BSN: variants seen among roughly 807,000 people sequenced by gnomAD.
The protein encoded by BSN is bassoon presynaptic cytomatrix protein.
A neutral mutation model predicts 264.8 loss-of-function variants in BSN; 57 were observed. That is an observed-to-expected ratio of 0.22 (90% CI 0.17 to 0.27). The LOEUF is 0.27. Among genes scored for constraint, BSN ranks in the 10% least tolerant of loss-of-function variants. BSN has a pLI of 1.00. For synonymous variants in BSN, 2,059 were observed against 2,137.3 expected, an observed-to-expected ratio of 0.96 and a Z score of 1.01; for missense variants, 4,615 against 5,232.5, an observed-to-expected ratio of 0.88 and a Z score of 3.64.
intron 3 of BSN, among the ~76,000 whole-genome samples, chr3:49,644,453 C>G (rs1279821150): frequency 2.0e-5 from 3 of 152,192 alleles, no homozygotes; most frequent in Admixed American, 6.5e-5. Context: ...GCCACACTTT[C>G]CAATATGCAG....
chr3:49,574,382 C>T (rs1488265552), intron 1 of BSN, among the ~76,000 whole-genome samples: 1 of 152,144 alleles, frequency 6.6e-6, no homozygotes, highest in African/African-American at 2.4e-5. Context: ...GGATCATACT[C>T]TGGCAGGTTC....
intron 3 of BSN, among the ~76,000 whole-genome samples, chr3:49,649,529 G>T (rs2108078295): frequency 6.6e-6 from 1 of 152,318 alleles, no homozygotes; most frequent in Non-Finnish European, 1.5e-5. Context: ...TCTGGAGGAG[G>T]CTACTGGGAG....
At chr3:49,565,880 G>A (rs561062636) in intron 1 of BSN, among the ~76,000 whole-genome samples, 1 of 151,950 alleles carries the variant, frequency 6.6e-6, no homozygotes, top group East Asian at 2.0e-4. Flanking sequence ...AGAGTGCAGC[G>A]GCGCCATCTT....
rs1276906323 is a variant in BSN at position 49,655,374 on chromosome 3, C to T, written c.5818C>T (p.Pro1940Ser). ...TGCCCCACCTGGCCAAAGCAGCAGC[C>T]CCTTCTATGGTCCCCGGGACCCTGA... ...DAAPPGQSSS[P>S]FYGPRDPEPP... Residue 1940 changes from proline to serine, a missense_variant, in exon 5 of 12, where the codon CCC becomes TCC. This residue lies in a region of BSN where 3,415 missense variants were observed against 3,866.4 expected (regional missense o/e 0.88). Coordinates refer to ENST00000296452, the MANE Select transcript of BSN (RefSeq NM_003458.4). The T allele has an allele frequency of 6.3e-7, 1 of 1,588,436 alleles. No individual in the cohort carries two copies.
chr3:49,554,575 C>G lies in BSN; in HGVS notation c.-28C>G. On this transcript the variant is annotated 5_prime_UTR_variant, in exon 1 of 12. Coordinates refer to ENST00000296452, the MANE Select transcript of BSN (RefSeq NM_003458.4). ...GCCGCCGGCCCGGGCGCAGCGCGAC[C>G]CCGACCCCGCCCGCCCGCCTGCCCG... The G allele has an allele frequency of 2.2e-6, 2 of 927,578 alleles. No individual in the cohort carries two copies. Among genetic ancestry groups the G allele is most frequent in the Non-Finnish European group, 2.6e-6 (2 of 777,120 alleles). The allele number at this position is 927,578 out of a possible 1,614,324, so 57.5% of individuals were successfully genotyped here.
In BSN at chr3:49,664,794, C is replaced by T; in HGVS notation, c.11741-5C>T. 1 of 1,613,814 alleles carries T rather than the reference C, an allele frequency of 6.2e-7. No individual in the cohort carries two copies. The highest frequency in any genetic ancestry group is 8.5e-7 in the Non-Finnish European group (1 of 1,179,954). On this transcript the variant is annotated splice_region_variant and splice_polypyrimidine_tract_variant and intron_variant, in intron 9 of 11. Coordinates refer to ENST00000296452, the MANE Select transcript of BSN (RefSeq NM_003458.4). Reference sequence around the variant, plus strand: ...TGATGGCTCTCTCCTCTTTCTTTGTCACAGCTGTCTCTGCTTTTGGCAAAA... The same window carrying T: ...TGATGGCTCTCTCCTCTTTCTTTGTTACAGCTGTCTCTGCTTTTGGCAAAA...
Position 49,625,064 on chromosome 3 carries a change from G to A in BSN, c.314G>A (p.Gly105Asp). Residue 105 changes from glycine (G) to aspartate (D), a missense_variant, in exon 2 of 12, where the codon GGC (glycine) becomes GAC (aspartate). This residue lies in a region of BSN where 1,197 missense variants were observed against 1,348.0 expected (regional missense o/e 0.89). Coordinates refer to ENST00000296452, the MANE Select transcript of BSN (RefSeq NM_003458.4). The surrounding 1 kb of genome is among the most constrained non-coding windows in gnomAD (Gnocchi z 4.4). ...TPKQASATTP[G>D]HESPRETRAQ... is the part of the protein sequence containing the mutation. The stretch of plus-strand genomic sequence containing the variant: ...AAGCAGGCTTCTGCTACCACTCCTG[G>A]CCATGAGAGCCCCCGAGAGACAAGG... 1 of 1,606,022 alleles carries A rather than the reference G, an allele frequency of 6.2e-7. No homozygotes were observed. The highest frequency in any genetic ancestry group is 8.5e-7 in the Non-Finnish European group (1 of 1,176,664).
rs558993938 is a variant in BSN, at chr3:49,585,647, C to A, written c.224+30821C>A. ...GCCGCCCCTGGGCGCTGCGTCTAAC[C>A]CCAATTTTTAGTTTTTTGAGAAACC... On this transcript the variant is annotated intron_variant, in intron 1 of 11. Transcript: ENST00000296452. The surrounding 1 kb of genome is among the most constrained non-coding windows in gnomAD (Gnocchi z 4.7). Among the ~76,000 whole-genome samples, 1 of 152,226 alleles carries A rather than the reference C, an allele frequency of 6.6e-6. No individual in the cohort carries two copies. The highest frequency in any genetic ancestry group is 2.4e-5 in the African/African-American group (1 of 41,472).
chr3:49,663,964 A>T (rs2052689464), intron 8 of BSN, 78 bp downstream of exon 8: 1 of 1,369,464 alleles, frequency 7.3e-7, no homozygotes, highest in African/African-American at 1.4e-5. Flanking sequence ...CTGTGCCCTG[A>T]GCTCCCCCAC....
chr3:49,666,063 T>C (rs961472084), intron 11 of BSN, among the ~76,000 whole-genome samples: 9 of 152,378 alleles, frequency 5.9e-5, no homozygotes, highest in Non-Finnish European at 4.4e-5. Context: ...TGGCTGTTGG[T>C]ACAGCTCTGT....
chr3:49,650,466 G>T lies in BSN; in HGVS notation c.1519-146G>T, dbSNP rs528518807. 5.4e-6 allele frequency: 4 copies of T among 736,162 alleles called. No homozygotes were observed. In the Admixed American group the frequency reaches 8.8e-5, roughly 16 times the overall value. The allele number at this position is 736,162 out of a possible 1,614,324, so 45.6% of individuals were successfully genotyped here. On this transcript the variant is annotated intron_variant, in intron 3 of 11. Transcript: ENST00000296452. The stretch of plus-strand genomic sequence containing the variant: ...ATTTGTTATTTGGGGGCAGTAAATT[G>T]GTCAGTCTTTTTCTCCTTATGTCTT...
intron 1 of BSN, among the ~76,000 whole-genome samples, chr3:49,586,209 T>TAAATA (rs1419154243): frequency 3.9e-5 from 6 of 152,156 alleles, no homozygotes; most frequent in Admixed American, 3.9e-4. Flanking sequence ...CTATAGTAGT[T>TAAATA]TCACAGTTTG....
chr3:49,598,396 T>C (rs2052042187), intron 1 of BSN, among the ~76,000 whole-genome samples: 1 of 152,236 alleles, frequency 6.6e-6, no homozygotes, highest in Non-Finnish European at 1.5e-5. Flanking sequence ...ACTTCTGATA[T>C]CAGATTTTTT....
At position 49,654,239 on chromosome 3, in the gene BSN, G is replaced by A. The variant is rs751247702; in HGVS notation, c.4683G>A (p.Leu1561=). Reference sequence around the variant, plus strand: ...AGGCTCCCTTTATGGTCATCACGCTGGCATCTGACGCCTCCAGCCAGACCA... The same window carrying A: ...AGGCTCCCTTTATGGTCATCACGCTAGCATCTGACGCCTCCAGCCAGACCA... The part of the protein sequence containing the change: ...SQEAPFMVIT[L]ASDASSQTRM... Residue 1561 remains leucine (L), a synonymous_variant, in exon 5 of 12, where the codon CTG becomes CTA. Coordinates refer to ENST00000296452, the MANE Select transcript of BSN (RefSeq NM_003458.4). The surrounding 1 kb of genome is among the most constrained non-coding windows in gnomAD (Gnocchi z 4.1). 6.2e-7 allele frequency: 1 copy of A among 1,613,344 alleles called. No homozygotes were observed. Among genetic ancestry groups the A allele is most frequent in the South Asian group, 1.1e-5 (1 of 90,948 alleles).
Position 49,642,942 on chromosome 3 carries a change from C to A in BSN, c.1308C>A (p.Thr436=). The A allele has an allele frequency of 6.2e-7, 1 of 1,614,126 alleles. No individual in the cohort carries two copies. The highest frequency in any genetic ancestry group is 2.2e-5 in the East Asian group (1 of 44,882). Residue 436 remains threonine (T), a synonymous_variant, in exon 3 of 12, where the codon ACC becomes ACA. Coordinates refer to ENST00000296452, the MANE Select transcript of BSN (RefSeq NM_003458.4). The surrounding 1 kb of genome is among the most constrained non-coding windows in gnomAD (Gnocchi z 7.0). ...CCCTGCCGAAAACTGGGGGAACAAC[C>A]AGTCCAAAGCATGGCAGAGCAGAAC... ...PGALPKTGGT[T]SPKHGRAEHQ...
At chr3:49,595,022 C>T (rs1300930706) in intron 1 of BSN, among the ~76,000 whole-genome samples, 22 of 151,540 alleles carry the variant, frequency 1.5e-4, no homozygotes, top group Non-Finnish European at 2.6e-4. Context: ...TCCCAAGTAG[C>T]TAGGACCACA....
At chr3:49,664,015 G>T (rs1300741327) in intron 8 of BSN, 129 bp downstream of exon 8, 8 of 886,918 alleles carry the variant, frequency 9.0e-6, no homozygotes, top group Non-Finnish European at 1.4e-5. Context: ...TGCCCCAGGG[G>T]CTGTAGACCT....
In BSN at chr3:49,654,485, C is replaced by T. The variant is rs1330196798; in HGVS notation, c.4929C>T (p.Cys1643=). 3 of 1,610,360 alleles carry T rather than the reference C, an allele frequency of 1.9e-6. No homozygotes were observed. The highest frequency in any genetic ancestry group is 2.5e-6 in the Non-Finnish European group (3 of 1,178,380). Residue 1643 remains cysteine (C), a synonymous_variant, in exon 5 of 12, where the codon TGC becomes TGT. Coordinates refer to ENST00000296452, the MANE Select transcript of BSN (RefSeq NM_003458.4). The surrounding 1 kb of genome is among the most constrained non-coding windows in gnomAD (Gnocchi z 4.1). ...TCCCTGCTGAGAACATCTCCCTGTG[C>T]CGGATCTCCTCTGTCCCTGGGACGT... ...GALPAENISL[C]RISSVPGTSR...
At chr3:49,635,969 TC>T (rs2052417162) in intron 2 of BSN, among the ~76,000 whole-genome samples, 1 of 134,366 alleles carries the variant, frequency 7.4e-6, no homozygotes. Context: ...CCTGTCCCCC[TC>T]CAAAAAAAAA....
Sources: gnomAD v4.1 joint callset for allele counts (sites outside exome capture counted in the v4.1 genomes callset) on GRCh38, gnomAD v4.1.1 for gene constraint, gnomAD v4.1.1 regional missense constraint, Gnocchi (gnomAD v3.1) non-coding constraint, MANE v1.5 for transcripts, NCBI Gene and HGNC (gene_info 2026-07-23, HGNC 2026-07-21) for gene names.